KDM4C: variants seen among roughly 807,000 people sequenced by gnomAD.
The protein encoded by KDM4C is lysine demethylase 4C.
KDM4C carries 81 observed loss-of-function variants against 129.3 expected under a neutral mutation model. The ratio of observed to expected loss-of-function variants is 0.63; its 90% confidence interval spans 0.52 to 0.75. KDM4C has a LOEUF of 0.75. Among genes scored for constraint, KDM4C ranks in the 30% least tolerant of loss-of-function variants. The pLI, the probability that KDM4C is intolerant of heterozygous loss-of-function variation, is 0.00. For synonymous variants in KDM4C, 573 were observed against 456.1 expected, an observed-to-expected ratio of 1.26 and a Z score of -3.26; for missense variants, 1,457 against 1,304.0, an observed-to-expected ratio of 1.12 and a Z score of -1.81.
intron 17 of KDM4C, among the ~76,000 whole-genome samples, chr9:7,072,244 C>T (rs1359374908): frequency 1.3e-5 from 2 of 152,130 alleles, no homozygotes; most frequent in African/African-American, 2.4e-5. Flanking sequence ...AACAGCCTGG[C>T]AGTTTCTTAT....
At chr9:6,885,634 A>G (rs927187717) in intron 6 of KDM4C, among the ~76,000 whole-genome samples, 4 of 142,316 alleles carry the variant, frequency 2.8e-5, no homozygotes, top group Admixed American at 2.1e-4. Context: ...AAAAAAAAAA[A>G]GGCAGTTGAC....
chr9:7,095,603 C>A (rs1340199003), intron 17 of KDM4C, among the ~76,000 whole-genome samples: 2 of 151,702 alleles, frequency 1.3e-5, no homozygotes, highest in African/African-American at 2.4e-5. Context: ...AATTATGTGT[C>A]CTTTAATTTA....
chr9:6,895,499 C>T (rs145055118), intron 8 of KDM4C, among the ~76,000 whole-genome samples: 60 of 152,266 alleles, frequency 3.9e-4, no homozygotes, highest in Middle Eastern at 3.4e-3. Flanking sequence ...TGCAAGATAG[C>T]GCATTCAAAG....
intron 12 of KDM4C, among the ~76,000 whole-genome samples, chr9:6,995,957 C>T (rs568894021): frequency 6.7e-4 from 102 of 152,246 alleles, no homozygotes; most frequent in Admixed American, 3.0e-3. Context: ...CGTGAGCCAC[C>T]GCGCCCGGCC....
intron 4 of KDM4C, among the ~76,000 whole-genome samples, chr9:6,836,480 C>T (rs1029713086): frequency 1.3e-5 from 2 of 152,074 alleles, no homozygotes; most frequent in South Asian, 2.1e-4. Context: ...CCAAACTCAC[C>T]ATGCAGTCAA....
At chr9:6,975,189 C>G (rs539801152) in intron 8 of KDM4C, among the ~76,000 whole-genome samples, 33 of 152,302 alleles carry the variant, frequency 2.2e-4, no homozygotes, top group African/African-American at 7.7e-4. Flanking sequence ...AGAAATTAAT[C>G]TGAACCTATT....
At chr9:6,940,898 AAC>A (rs1491084621) in intron 8 of KDM4C, among the ~76,000 whole-genome samples, 1 of 140,788 alleles carries the variant, frequency 7.1e-6, no homozygotes, top group East Asian at 2.0e-4. Context: ...ACAAGAAAAA[AAC>A]GTATCATTCT....
chr9:7,128,974 G>A (rs187619525), intron 19 of KDM4C, among the ~76,000 whole-genome samples: 4 of 152,188 alleles, frequency 2.6e-5, no homozygotes, highest in Admixed American at 2.0e-4. Context: ...TTCCACAGAG[G>A]GTTTTTTTTG....
At chr9:6,721,117 A>G (rs1181568370) in intron 1 of KDM4C, 2 of 885,936 alleles carry the variant, frequency 2.3e-6, no homozygotes, top group South Asian at 1.6e-5. Context: ...TCTGTTGCCC[A>G]GGCTAGAGGG....
rs1831784661 is a variant in KDM4C, at chr9:6,814,826, T to C, written c.435+81T>C. On this transcript the variant is annotated intron_variant, in intron 4 of 21. Transcript: ENST00000381309. ...TACCATTTAAGCAGTTTAGAAGTGT[T>C]CTTTTGTTGTGCTTTTGGGTGATCC... 3.8e-6 allele frequency: 3 copies of C among 792,294 alleles called. No individual in the cohort carries two copies. In the Admixed American group the frequency reaches 7.3e-5, roughly 19 times the overall value. 49.1% of individuals were successfully genotyped at this position (792,294 alleles called of 1,614,324 possible).
chr9:7,087,433 A>G (rs186629302), intron 17 of KDM4C, among the ~76,000 whole-genome samples: 31 of 152,322 alleles, frequency 2.0e-4, no homozygotes, highest in Admixed American at 5.9e-4. Context: ...ATAATTACCA[A>G]TGTTATAGTA....
chr9:7,155,919 G>C (rs970476592), intron 19 of KDM4C, among the ~76,000 whole-genome samples: 2 of 152,176 alleles, frequency 1.3e-5, no homozygotes, highest in African/African-American at 4.8e-5. Context: ...TTCTAGATCC[G>C]TGAGCAATCG....
chr9:6,941,860 CTCTCT>C (rs928715559), intron 8 of KDM4C: 3 of 140,896 alleles, frequency 2.1e-5, no homozygotes, highest in African/African-American at 5.0e-5. Flanking sequence ...GTGTCTCTCT[CTCTCT>C]TGTGTGTGTG....
At chr9:6,940,272 G>C (rs1422726544) in intron 8 of KDM4C, among the ~76,000 whole-genome samples, 1 of 151,968 alleles carries the variant, frequency 6.6e-6, no homozygotes, top group African/African-American at 2.4e-5. Context: ...TGTATTTTTT[G>C]TAGAGAGGGA....
At chr9:7,044,411 A>G (rs778522793) in intron 15 of KDM4C, among the ~76,000 whole-genome samples, 1 of 151,816 alleles carries the variant, frequency 6.6e-6, no homozygotes, top group South Asian at 2.1e-4. Flanking sequence ...ACCTTCTCTC[A>G]TGGGGTTCAG....
intron 1 of KDM4C, among the ~76,000 whole-genome samples, chr9:6,738,159 CTA>C (rs1491351391): frequency 6.7e-6 from 1 of 149,556 alleles, no homozygotes; most frequent in East Asian, 2.0e-4. Flanking sequence ...CTAAACTAAA[CTA>C]AACTAAACTA....
chr9:6,861,792 T>C (rs1366150308), intron 5 of KDM4C, among the ~76,000 whole-genome samples: 1 of 151,218 alleles, frequency 6.6e-6, no homozygotes, highest in Non-Finnish European at 1.5e-5. Context: ...TTTTTTTTTC[T>C]CGAGATGGAG....
intron 17 of KDM4C, among the ~76,000 whole-genome samples, chr9:7,099,778 G>C (rs962365777): frequency 1.3e-5 from 2 of 152,232 alleles, no homozygotes; most frequent in African/African-American, 4.8e-5. Context: ...TGTCCTGTCA[G>C]AGATACCCAC....
At chr9:6,742,614 C>T (rs1040146132) in intron 1 of KDM4C, among the ~76,000 whole-genome samples, 1 of 144,076 alleles carries the variant, frequency 6.9e-6, no homozygotes, top group African/African-American at 2.6e-5. Context: ...ACTCTGATGT[C>T]ATGAATATCA....
Sources: allele counts gnomAD v4.1 joint callset (sites outside exome capture counted in the v4.1 genomes callset), GRCh38; gene constraint gnomAD v4.1.1; transcripts MANE v1.5; gene names NCBI Gene and HGNC (gene_info 2026-07-23, HGNC 2026-07-21).